Variants in NBAS observed in about 807,000 individuals in gnomAD.
The protein encoded by NBAS is NAG/BC035112 fusion.
In NBAS, 219 loss-of-function variants were observed where a neutral mutation model predicts 302.5. That is an observed-to-expected ratio of 0.72 (90% CI 0.65 to 0.81). NBAS has a LOEUF of 0.81. Among genes scored for constraint, NBAS ranks in the 30% least tolerant of loss-of-function variants. The pLI, the probability that NBAS is intolerant of heterozygous loss-of-function variation, is 0.00. For missense variants in NBAS, 2,932 were observed against 2,841.6 expected (o/e 1.03, Z -0.72); for synonymous variants, 1,118 against 1,021.6 (o/e 1.09, Z -1.80).
At chr2:15,137,073 G>T in the NBAS span, among the ~76,000 whole-genome samples, 4 of 152,186 alleles carry the variant, frequency 2.6e-5, no homozygotes, top group Admixed American at 6.5e-5. Flanking sequence ...GACACTCCTT[G>T]TTCCCTCCAC....
the NBAS span, among the ~76,000 whole-genome samples, chr2:14,956,471 T>A: frequency 6.6e-6 from 1 of 152,212 alleles, no homozygotes; most frequent in Admixed American, 6.5e-5. Flanking sequence ...CCCCACGCTC[T>A]GTAGTACCAA....
intron 9 of NBAS, among the ~76,000 whole-genome samples, chr2:15,531,492 G>A (rs568073685): frequency 2.0e-5 from 3 of 152,154 alleles, no homozygotes; most frequent in Non-Finnish European, 4.4e-5. Context: ...GGTGAGTTTA[G>A]GGGAAAGTCT....
At chr2:15,002,691 G>A in the NBAS span, among the ~76,000 whole-genome samples, 1 of 152,218 alleles carries the variant, frequency 6.6e-6, no homozygotes, top group Non-Finnish European at 1.5e-5. Flanking sequence ...CGGGAAGGCA[G>A]CTAAGGCCCG....
Position 15,234,590 on chromosome 2 carries a change from T to G in NBAS, c.6101A>C (p.Lys2034Thr). The change falls in exon 46 of 52, where the codon AAG becomes ACG. Residue 2034 changes from lysine to threonine, a missense_variant. Lys to Thr is a moderately conservative substitution (Grantham distance 78). Transcript: ENST00000281513. ...CATGATTGCACTCTGCACTATATCC[T>G]TGGGTGAGATGTCAAGAGGGCCAAC... ...VAVGPLDISP[K>T]DIVQSAIMKI... is the part of the protein sequence containing the mutation. 1 of 1,614,144 alleles carries G rather than the reference T, an allele frequency of 6.2e-7. No homozygotes were observed. The highest frequency in any genetic ancestry group is 8.5e-7 in the Non-Finnish European group (1 of 1,180,000).
At chr2:15,285,638 T>C (rs914978329) in intron 42 of NBAS, among the ~76,000 whole-genome samples, 7 of 152,216 alleles carry the variant, frequency 4.6e-5, no homozygotes, top group Admixed American at 4.6e-4. Context: ...GATAACTTCC[T>C]GATTCCCTTG....
chr2:15,011,293 C>T, the NBAS span, among the ~76,000 whole-genome samples: 1 of 152,088 alleles, frequency 6.6e-6, no homozygotes, highest in African/African-American at 2.4e-5. Flanking sequence ...TGAGCCAGAA[C>T]TCTGGTAACA....
the NBAS span, among the ~76,000 whole-genome samples, chr2:15,148,025 A>T: frequency 6.6e-6 from 1 of 152,166 alleles, no homozygotes; most frequent in Admixed American, 6.5e-5. Flanking sequence ...AGATCCCCAG[A>T]CATGCTTCTT....
At chr2:15,519,437 A>AT (rs749888088) in intron 9 of NBAS, among the ~76,000 whole-genome samples, 69 of 148,932 alleles carry the variant, frequency 4.6e-4, no homozygotes, top group Admixed American at 8.1e-4. Context: ...TCATTTCTTT[A>AT]TTTTTTTTTT....
intron 1 of NBAS, among the ~76,000 whole-genome samples, chr2:15,560,407 C>T (rs1294459308): frequency 6.6e-6 from 1 of 152,100 alleles, no homozygotes; most frequent in Non-Finnish European, 1.5e-5. Flanking sequence ...GATCCCAATC[C>T]CAGTCAGCAG....
chr2:15,124,170 C>T, the NBAS span, among the ~76,000 whole-genome samples: 12 of 152,272 alleles, frequency 7.9e-5, no homozygotes, highest in South Asian at 4.2e-4. Context: ...CCATGTCCTA[C>T]GGCTTTGTGG....
At chr2:15,184,527 G>A (rs1430057629) in intron 50 of NBAS, among the ~76,000 whole-genome samples, 2 of 151,986 alleles carry the variant, frequency 1.3e-5, no homozygotes, top group African/African-American at 2.4e-5. Context: ...TCCCTCGCAT[G>A]TGTAGTTCAC....
chr2:14,895,327 G>A, the NBAS span, among the ~76,000 whole-genome samples: 1 of 152,048 alleles, frequency 6.6e-6, no homozygotes, highest in South Asian at 2.1e-4. Context: ...AAAAATCCTA[G>A]AAGAAAACCT....
the NBAS span, among the ~76,000 whole-genome samples, chr2:14,899,323 T>C: frequency 2.0e-5 from 3 of 152,132 alleles, no homozygotes; most frequent in Non-Finnish European, 4.4e-5. Flanking sequence ...CCATGAGTAA[T>C]ACTAGCCTGT....
the NBAS span, among the ~76,000 whole-genome samples, chr2:15,024,014 G>T: frequency 6.6e-6 from 1 of 151,856 alleles, no homozygotes; most frequent in East Asian, 1.9e-4. Context: ...GTGCAGGTTT[G>T]TTATATAGGT....
intron 26 of NBAS, among the ~76,000 whole-genome samples, chr2:15,400,555 T>A (rs1204635997): frequency 1.3e-5 from 2 of 152,126 alleles, no homozygotes; most frequent in Non-Finnish European, 2.9e-5. Flanking sequence ...GAGCATAACA[T>A]TTTAAAGGAG....
At chr2:15,364,884 T>A (rs1379939483) in intron 32 of NBAS, among the ~76,000 whole-genome samples, 1 of 151,776 alleles carries the variant, frequency 6.6e-6, no homozygotes, top group African/African-American at 2.4e-5. Context: ...GAGAGAAAAA[T>A]AAATGGTTGT....
At chr2:15,419,563 A>G (rs1472897566) in intron 23 of NBAS, among the ~76,000 whole-genome samples, 1 of 152,154 alleles carries the variant, frequency 6.6e-6, no homozygotes, top group Non-Finnish European at 1.5e-5. Context: ...GTGGGACTAA[A>G]GGCGCATGCC....
chr2:15,215,102 C>T (rs773579166), intron 48 of NBAS, among the ~76,000 whole-genome samples: 10 of 152,070 alleles, frequency 6.6e-5, no homozygotes, highest in Admixed American at 5.9e-4. Context: ...TCAGATAAAC[C>T]GTACTATGAG....
chr2:15,524,611 C>T (rs1056664347), intron 9 of NBAS, among the ~76,000 whole-genome samples: 1 of 152,112 alleles, frequency 6.6e-6, no homozygotes, highest in African/African-American at 2.4e-5. Context: ...CAGCTATAAT[C>T]AATGGAAGGG....
Sources: allele counts gnomAD v4.1 joint callset (sites outside exome capture counted in the v4.1 genomes callset), GRCh38; gene constraint gnomAD v4.1.1; transcripts MANE v1.5; gene names NCBI Gene and HGNC (gene_info 2026-07-23, HGNC 2026-07-21).